P2RX1: variants seen among roughly 807,000 people sequenced by gnomAD.
The protein encoded by P2RX1 is P2X purinoceptor 1.
In P2RX1, 42 loss-of-function variants were observed where a neutral mutation model predicts 50.3. The observed-to-expected ratio is 0.83, with a 90% CI of 0.65 to 1.08. The LOEUF is 1.08. P2RX1 is among the 50% of genes least tolerant of loss of function. The probability of loss-of-function intolerance (pLI) is 0.00; values close to 1 mark genes in which losing one functional copy is unlikely to be tolerated. For synonymous variants in P2RX1, 199 were observed against 202.6 expected, an observed-to-expected ratio of 0.98 and a Z score of 0.15; for missense variants, 449 against 529.0, an observed-to-expected ratio of 0.85 and a Z score of 1.48.
In P2RX1 at chr17:3,899,744, G is replaced by C. The variant is rs1421572614; in HGVS notation, c.765C>G (p.Ile255Met). 7 of 1,613,712 alleles carry C rather than the reference G, an allele frequency of 4.3e-6. No individual in the cohort carries two copies. The Admixed American group carries it at 5.0e-5, about 12-fold the overall frequency. The part of the protein sequence containing the change: ...TLAEKGGVVG[I>M]TIDWHCDLDW... ...CCAGGTCACAGTGCCAGTCGATGGT[G>C]ATGCCAACCACTCCACCCTGCCAGG... is the stretch of plus-strand genomic sequence containing the variant. Residue 255 changes from isoleucine to methionine, a missense_variant, in exon 8 of 12, where the codon ATC (isoleucine) becomes ATG (methionine). Transcript: ENST00000225538.
chr17:3,905,088 C>T, intron 2 of P2RX1, 132 bp downstream of exon 2: 2 of 1,321,620 alleles, frequency 1.5e-6, no homozygotes, highest in South Asian at 1.3e-5. Context: ...CACCAGGCTG[C>T]TTCTGCCCGG....
chr17:3,912,610 C>T (rs1175941508), intron 1 of P2RX1, among the ~76,000 whole-genome samples: 4 of 152,228 alleles, frequency 2.6e-5, no homozygotes, highest in African/African-American at 4.8e-5. Context: ...GGATTACAGG[C>T]GTGAGCCAAC....
intron 7 of P2RX1, among the ~76,000 whole-genome samples, chr17:3,900,975 G>A (rs559543188): frequency 5.1e-4 from 78 of 152,318 alleles, no homozygotes; most frequent in South Asian, 3.3e-3. Context: ...CAGGAGAAGA[G>A]CTGGAAGGTG....
chr17:3,898,685 G>C, intron 9 of P2RX1, 136 bp from the exon 10 acceptor site: 2 of 765,714 alleles, frequency 2.6e-6, no homozygotes, highest in Admixed American at 4.0e-5. Flanking sequence ...TGGGCCACCA[G>C]CTGCTGGTCA....
At chr17:3,913,856 C>T (rs904981948) in intron 1 of P2RX1, among the ~76,000 whole-genome samples, 3 of 79,418 alleles carry the variant, frequency 3.8e-5, no homozygotes, top group Non-Finnish European at 7.5e-5. Context: ...GCTGAGTGCA[C>T]TCTTGGGGGG....
chr17:3,901,429 C>T (rs1447201288), intron 7 of P2RX1, among the ~76,000 whole-genome samples: 1 of 152,220 alleles, frequency 6.6e-6, no homozygotes, highest in Non-Finnish European at 1.5e-5. Context: ...GTTGCTCCGG[C>T]ATCAACCCCC....
At chr17:3,908,919 C>T (rs2056314698) in intron 1 of P2RX1, among the ~76,000 whole-genome samples, 1 of 152,246 alleles carries the variant, frequency 6.6e-6, no homozygotes, top group Non-Finnish European at 1.5e-5. Flanking sequence ...GGTGACGCCA[C>T]CTACCTCAAA....
At chr17:3,898,422 A>G (rs779982080) in intron 10 of P2RX1, 62 bp downstream of exon 10, 2 of 1,310,664 alleles carry the variant, frequency 1.5e-6, no homozygotes, top group Non-Finnish European at 2.2e-6. Flanking sequence ...TCTTGCTGCT[A>G]CTGAATTGTG....
chr17:3,908,950 T>A (rs1019569500), intron 1 of P2RX1, among the ~76,000 whole-genome samples: 38 of 152,240 alleles, frequency 2.5e-4, no homozygotes, highest in Non-Finnish European at 4.8e-4. Context: ...ATTCATTAAG[T>A]GTTTAGTGAG....
rs2056203019 is a variant in P2RX1 at position 3,903,826 on chromosome 17, G to C, written c.524+102C>G. 1.1e-5 allele frequency: 13 copies of C among 1,166,542 alleles called. No individual in the cohort carries two copies. Among genetic ancestry groups the C allele is most frequent in the African/African-American group, 1.5e-5 (1 of 66,114 alleles). 72.3% of individuals were successfully genotyped at this position (1,166,542 alleles called of 1,614,324 possible). A position where few individuals can be genotyped will look rare whatever the true frequency, so the allele number is the denominator to read the frequency against. On this transcript the variant is annotated intron_variant, in intron 5 of 11. Transcript: ENST00000225538. This position sits in a 1 kb window ranked among gnomAD's most constrained non-coding sequence, Gnocchi z 4.6. ...AGCCTAGGTTGCGCGGATGGGGTGA[G>C]GGTGGGGTCAGAAAAAGGGGTAAAG...
chr17:3,904,881 G>C lies in P2RX1; in HGVS notation c.334C>G (p.Gln112Glu), dbSNP rs1445555059. ...VMTNFIVTPK[Q>E]TQGYCAEHPE... ...ACCTCTGCGCAGTAGCCTTGAGTCT[G>C]CTTCGGGGTCACGATGAAATTGGTC... Residue 112 changes from glutamine to glutamate, a missense_variant, in exon 3 of 12, where the codon CAG becomes GAG. By Grantham distance (29) the Gln-to-Glu change is conservative. Coordinates refer to ENST00000225538, the MANE Select transcript of P2RX1 (RefSeq NM_002558.4). 1 of 1,596,668 alleles carries C rather than the reference G, an allele frequency of 6.3e-7. No individual in the cohort carries two copies. The highest frequency in any genetic ancestry group is 8.5e-7 in the Non-Finnish European group (1 of 1,173,092).
chr17:3,904,796 T>G, intron 3 of P2RX1, 62 bp downstream of exon 3: 1 of 1,335,020 alleles, frequency 7.5e-7, no homozygotes, highest in Non-Finnish European at 1.1e-6. Context: ...CCTGGAGACT[T>G]TCTCTGCACG....
chr17:3,897,975 C>T (rs1166455676), intron 11 of P2RX1, 34 bp downstream of exon 11: 6 of 1,610,718 alleles, frequency 3.7e-6, no homozygotes, highest in Non-Finnish European at 5.1e-6. Flanking sequence ...GCGCCGGAGG[C>T]CTTCGAAGGG....
At chr17:3,904,248 A>C in intron 4 of P2RX1, 82 bp downstream of exon 4, 1 of 1,345,546 alleles carries the variant, frequency 7.4e-7, no homozygotes, top group Non-Finnish European at 1.1e-6. Context: ...GGAGAGAGGC[A>C]GGTCAGCACC....
At chr17:3,909,510 G>A (rs1264250858) in intron 1 of P2RX1, among the ~76,000 whole-genome samples, 1 of 152,108 alleles carries the variant, frequency 6.6e-6, no homozygotes, top group Non-Finnish European at 1.5e-5. Flanking sequence ...TCTATCTCCA[G>A]ACTGCACTCT....
chr17:3,900,968 G>C (rs182739936), intron 7 of P2RX1, among the ~76,000 whole-genome samples: 99 of 152,324 alleles, frequency 6.5e-4, no homozygotes, highest in African/African-American at 2.3e-3. Context: ...TGAGCAACAG[G>C]AGAAGAGCTG....
At chr17:3,899,601 G>A (rs201360571) in intron 8 of P2RX1, 33 bp downstream of exon 8, 4 of 1,610,714 alleles carry the variant, frequency 2.5e-6, no homozygotes, top group Non-Finnish European at 2.5e-6. Context: ...AGGACCACAA[G>A]GAAGAATGTG....
chr17:3,898,363 T>A (rs2056072201), intron 10 of P2RX1, 121 bp downstream of exon 10: 1 of 855,736 alleles, frequency 1.2e-6, no homozygotes. Flanking sequence ...GGGCAGCTGC[T>A]GGCTCAAAAA....
intron 1 of P2RX1, among the ~76,000 whole-genome samples, chr17:3,908,804 G>A (rs1350086535): frequency 6.6e-6 from 1 of 152,158 alleles, no homozygotes; most frequent in Non-Finnish European, 1.5e-5. Context: ...GAGGCCACAG[G>A]GTGGAGTGGC....
Sources: allele counts gnomAD v4.1 joint callset (sites outside exome capture counted in the v4.1 genomes callset), GRCh38; gene constraint gnomAD v4.1.1; non-coding constraint Gnocchi (gnomAD v3.1); transcripts MANE v1.5; gene names NCBI Gene and HGNC (gene_info 2026-07-23, HGNC 2026-07-21).